Variants in PLCL1 observed in about 807,000 individuals in gnomAD.
PLCL1 encodes phospholipase C like 1 (inactive).
Under a neutral mutation model 84.4 loss-of-function variants are expected in PLCL1, and 41 were observed. The ratio of observed to expected loss-of-function variants is 0.49; its 90% CI spans 0.38 to 0.63. The LOEUF is 0.63. PLCL1 is among the 30% of genes least tolerant of loss of function. The pLI, the probability that PLCL1 is intolerant of heterozygous loss-of-function variation, is 0.00. For synonymous variants in PLCL1, 490 were observed against 488.3 expected, an observed-to-expected ratio of 1.00 and a Z score of -0.05; for missense variants, 1,206 against 1,367.8, an observed-to-expected ratio of 0.88 and a Z score of 1.87.
At chr2:197,992,548 GCCA>G (rs1198510919) in intron 1 of PLCL1, among the ~76,000 whole-genome samples, 4 of 152,100 alleles carry the variant, frequency 2.6e-5, no homozygotes, top group Non-Finnish European at 4.4e-5. Context: ...ACATGCATGA[GCCA>G]CCATGCCTGG....
chr2:198,018,598 G>A (rs1265451239), intron 1 of PLCL1, among the ~76,000 whole-genome samples: 1 of 152,180 alleles, frequency 6.6e-6, no homozygotes, highest in Non-Finnish European at 1.5e-5. Flanking sequence ...CCCTCACAGT[G>A]TAAACAAAGC....
At chr2:198,029,522 C>G (rs1445547594) in intron 1 of PLCL1, among the ~76,000 whole-genome samples, 19 of 152,178 alleles carry the variant, frequency 1.2e-4, no homozygotes, top group African/African-American at 4.3e-4. Flanking sequence ...AACTGGAGTG[C>G]AGGAAAAGCA....
At chr2:197,813,538 ATT>A (rs1185236954) in intron 1 of PLCL1, among the ~76,000 whole-genome samples, 2 of 152,104 alleles carry the variant, frequency 1.3e-5, no homozygotes, top group Non-Finnish European at 2.9e-5. Context: ...AAGTAGCTTT[ATT>A]TTTATGTTTA....
chr2:197,907,450 C>T (rs1292143370), intron 1 of PLCL1, among the ~76,000 whole-genome samples: 1 of 152,070 alleles, frequency 6.6e-6, no homozygotes, highest in Non-Finnish European at 1.5e-5. Flanking sequence ...ATTGGCCAGG[C>T]TGGTCTTGAA....
chr2:198,099,620 C>G (rs1301552463), intron 3 of PLCL1, among the ~76,000 whole-genome samples: 1 of 152,064 alleles, frequency 6.6e-6, no homozygotes, highest in African/African-American at 2.4e-5. Flanking sequence ...ACTTTTATTA[C>G]TAAAAGATTT....
At position 198,044,366 on chromosome 2, in the gene PLCL1, C is replaced by G. The variant is rs1279237594; in HGVS notation, c.241-39392C>G. Among the ~76,000 whole-genome samples the G allele has an allele frequency of 2.0e-5, 3 of 152,138 alleles. No homozygotes were observed. The East Asian group carries it at 5.8e-4, about 29-fold the overall frequency. Reference sequence around the variant, plus strand: ...TAAATGTCCTTAAAAAAGCATGCTACTTTAATTATATGGCAGATGGTGTGT... The same window carrying G: ...TAAATGTCCTTAAAAAAGCATGCTAGTTTAATTATATGGCAGATGGTGTGT... On this transcript the variant is annotated intron_variant, in intron 1 of 5. Transcript: ENST00000428675.
At chr2:197,987,836 T>C (rs1690249091) in intron 1 of PLCL1, among the ~76,000 whole-genome samples, 1 of 152,240 alleles carries the variant, frequency 6.6e-6, no homozygotes, top group Non-Finnish European at 1.5e-5. Flanking sequence ...AACATCAGAC[T>C]ATGTATTGTA....
At chr2:197,830,649 T>G (rs1360316454) in intron 1 of PLCL1, among the ~76,000 whole-genome samples, 1 of 151,982 alleles carries the variant, frequency 6.6e-6, no homozygotes, top group Non-Finnish European at 1.5e-5. Context: ...AGGCCAACAT[T>G]CAAATTCATG....
At chr2:198,078,555 C>A (rs1692636001) in intron 1 of PLCL1, among the ~76,000 whole-genome samples, 1 of 151,920 alleles carries the variant, frequency 6.6e-6, no homozygotes, top group South Asian at 2.1e-4. Flanking sequence ...GAGAACTTTT[C>A]AAATATAAAT....
At chr2:197,848,472 T>A (rs1687162444) in intron 1 of PLCL1, among the ~76,000 whole-genome samples, 1 of 152,206 alleles carries the variant, frequency 6.6e-6, no homozygotes, top group African/African-American at 2.4e-5. Flanking sequence ...CTTGTTGATT[T>A]GTAGAGTGTA....
chr2:198,005,432 C>T (rs1275429954), intron 1 of PLCL1, among the ~76,000 whole-genome samples: 1 of 152,224 alleles, frequency 6.6e-6, no homozygotes, highest in African/African-American at 2.4e-5. Context: ...GGAAACTGCA[C>T]ATCGTGCCTG....
At chr2:197,870,999 T>C (rs1687641873) in intron 1 of PLCL1, among the ~76,000 whole-genome samples, 1 of 152,048 alleles carries the variant, frequency 6.6e-6, no homozygotes, top group Non-Finnish European at 1.5e-5. Flanking sequence ...TTAAACTACA[T>C]GAGCAAGAGT....
chr2:198,138,312 C>T (rs149278867), intron 5 of PLCL1, among the ~76,000 whole-genome samples: 174 of 152,146 alleles, frequency 1.1e-3, no homozygotes, highest in Non-Finnish European at 2.0e-3. Flanking sequence ...GAAAGAGAAA[C>T]AGCTAAGGGG....
chr2:197,820,609 A>G (rs1690796614), intron 1 of PLCL1, among the ~76,000 whole-genome samples: 1 of 152,160 alleles, frequency 6.6e-6, no homozygotes, highest in Admixed American at 6.6e-5. Flanking sequence ...TTCTGCTGAC[A>G]TTGGGATCAA....
intron 1 of PLCL1, among the ~76,000 whole-genome samples, chr2:197,980,141 C>G (rs1372483504): frequency 2.0e-5 from 3 of 152,126 alleles, no homozygotes; most frequent in Non-Finnish European, 4.4e-5. Context: ...GAGAACAATC[C>G]CCATATTCCT....
chr2:198,016,341 C>T lies in PLCL1; in HGVS notation c.241-67417C>T, dbSNP rs183948614. Among the ~76,000 whole-genome samples the T allele has an allele frequency of 4.8e-3, 724 of 152,268 alleles. 5 individuals carry two copies. The highest frequency in any genetic ancestry group is 0.017 in the African/African-American group (697 of 41,546). On this transcript the variant is annotated intron_variant, in intron 1 of 5. Coordinates refer to ENST00000428675, the MANE Select transcript of PLCL1 (RefSeq NM_006226.4). ...AGTTTTGTGTGAGAAAATTGTTTCC[C>T]GTCAACTTGAAAACATTGAATTTGC... is the stretch of plus-strand genomic sequence containing the variant.
intron 1 of PLCL1, among the ~76,000 whole-genome samples, chr2:197,855,190 G>A (rs1489611475): frequency 1.3e-5 from 2 of 152,170 alleles, no homozygotes; most frequent in Admixed American, 6.5e-5. Flanking sequence ...CCTTGCATCC[G>A]TGTTTGTGAC....
At chr2:197,966,535 CA>C (rs757169872) in intron 1 of PLCL1, among the ~76,000 whole-genome samples, 12 of 152,092 alleles carry the variant, frequency 7.9e-5, no homozygotes, top group African/African-American at 1.4e-4. Flanking sequence ...GACTGAGTTT[CA>C]GTGTAAAGTC....
chr2:197,995,387 A>C (rs1690436351), intron 1 of PLCL1, among the ~76,000 whole-genome samples: 1 of 152,078 alleles, frequency 6.6e-6, no homozygotes, highest in Middle Eastern at 3.2e-3. Flanking sequence ...ATGAAACACA[A>C]AGTCCCCCTG....
Sources: gnomAD v4.1 joint callset for allele counts (sites outside exome capture counted in the v4.1 genomes callset) on GRCh38, gnomAD v4.1.1 for gene constraint, MANE v1.5 for transcripts, NCBI Gene and HGNC (gene_info 2026-07-23, HGNC 2026-07-21) for gene names.